Variants in PRKAR1B observed in about 807,000 individuals in gnomAD.
The protein encoded by PRKAR1B is protein kinase cAMP-dependent type I regulatory subunit beta.
A neutral mutation model predicts 46.5 loss-of-function variants in PRKAR1B; 22 were observed. That is an observed-to-expected ratio of 0.47 (90% CI 0.34 to 0.68). PRKAR1B has a LOEUF of 0.68. Ranked by LOEUF, PRKAR1B falls within the 30% of genes least tolerant of loss-of-function variation. The pLI is 0.01. For missense variants in PRKAR1B, 445 were observed against 535.6 expected (o/e 0.83, Z 1.67); for synonymous variants, 259 against 217.7 (o/e 1.19, Z -1.67).
At chr7:568,270 G>C (rs961356326) in intron 9 of PRKAR1B, among the ~76,000 whole-genome samples, 2 of 152,120 alleles carry the variant, frequency 1.3e-5, no homozygotes, top group Non-Finnish European at 2.9e-5. Flanking sequence ...CACAAGGTAG[G>C]TGACCTTGTG....
At chr7:628,330 GC>G (rs1783529493) in intron 4 of PRKAR1B, among the ~76,000 whole-genome samples, 1 of 152,252 alleles carries the variant, frequency 6.6e-6, no homozygotes, top group Non-Finnish European at 1.5e-5. Flanking sequence ...TGGAGCCAAG[GC>G]GAAGGCGGGC....
chr7:585,353 G>A (rs145533213), intron 7 of PRKAR1B, among the ~76,000 whole-genome samples: 1,877 of 152,170 alleles, frequency 0.012, 44 homozygotes, highest in African/African-American at 0.04. Context: ...TACAGTGCAC[G>A]AACTCCACAA....
intron 6 of PRKAR1B, among the ~76,000 whole-genome samples, chr7:596,679 C>A (rs1781284521): frequency 6.6e-6 from 1 of 152,266 alleles, no homozygotes; most frequent in Non-Finnish European, 1.5e-5. Context: ...CTCACTCAGC[C>A]TCTCTGGGCC....
At chr7:618,126 G>C (rs1014437301) in intron 4 of PRKAR1B, among the ~76,000 whole-genome samples, 3 of 152,092 alleles carry the variant, frequency 2.0e-5, no homozygotes, top group African/African-American at 7.2e-5. Flanking sequence ...GGCAGGGCAA[G>C]GTCCAGGAAC....
chr7:715,861 G>A (rs992822734), intron 1 of PRKAR1B, among the ~76,000 whole-genome samples: 17 of 151,664 alleles, frequency 1.1e-4, no homozygotes, highest in African/African-American at 3.4e-4. Context: ...GACTACAGGC[G>A]CCCGCCACCG....
chr7:727,998 G>T (rs964570923), upstream of PRKAR1B, among the ~76,000 whole-genome samples: 1 of 151,894 alleles, frequency 6.6e-6, no homozygotes, highest in Non-Finnish European at 1.5e-5. Flanking sequence ...TTGAGACTCT[G>T]CTCTGGTCAT....
At chr7:685,295 C>CGTATATATATATACGTATATATACGTAT (rs1300520762) in intron 2 of PRKAR1B, among the ~76,000 whole-genome samples, 1 of 12,228 alleles carries the variant, frequency 8.2e-5, no homozygotes, top group African/African-American at 3.5e-4. Context: ...TATATGTATA[C>CGTATATATATATACGTATATATACGTAT]ATATATATAT....
upstream of PRKAR1B, chr7:727,456 G>T: frequency 3.1e-6 from 1 of 317,876 alleles, no homozygotes; most frequent in East Asian, 5.2e-5. Context: ...GACCCCCCAT[G>T]CGCCGCTTCC....
At chr7:691,206 T>C (rs1166842260) in intron 2 of PRKAR1B, among the ~76,000 whole-genome samples, 67 of 125,390 alleles carry the variant, frequency 5.3e-4, no homozygotes, top group East Asian at 1.9e-3. Flanking sequence ...AAGGGTCCTG[T>C]GCCCACTCAA....
chr7:558,623 C>T (rs953713626), intron 9 of PRKAR1B, among the ~76,000 whole-genome samples: 3 of 151,844 alleles, frequency 2.0e-5, no homozygotes, highest in Admixed American at 6.6e-5. Context: ...AGGCGTGGTG[C>T]GCGCCTGTAA....
intron 2 of PRKAR1B, among the ~76,000 whole-genome samples, chr7:692,264 G>A (rs1779472939): frequency 6.6e-6 from 1 of 152,238 alleles, no homozygotes; most frequent in Non-Finnish European, 1.5e-5. Context: ...GCCACATGTG[G>A]TGGCGCACGC....
In PRKAR1B at chr7:583,426, G is replaced by A. The variant is rs868402062; in HGVS notation, c.769+1082C>T. ...CACGTGTGCACACCCACGCACACAC[G>A]CACACACCCACAGTGCACACTCACA... On this transcript the variant is annotated intron_variant, in intron 8 of 10. Coordinates refer to ENST00000537384, the MANE Select transcript of PRKAR1B (RefSeq NM_001164760.2). Among the ~76,000 whole-genome samples the A allele has an allele frequency of 2.3e-4, 12 of 52,418 alleles. No individual in the cohort carries two copies. In the Middle Eastern group the frequency reaches 0.032, roughly 139 times the overall value. 34.4% of individuals were successfully genotyped at this position (52,418 alleles called of 152,430 possible). A position where few individuals can be genotyped will look rare whatever the true frequency, so the allele number is the denominator to read the frequency against.
chr7:556,517 G>C (rs1049538123), intron 9 of PRKAR1B, among the ~76,000 whole-genome samples: 3 of 152,230 alleles, frequency 2.0e-5, no homozygotes, highest in Non-Finnish European at 4.4e-5. Flanking sequence ...CTTCCGCACG[G>C]AGTCATTCTG....
At chr7:585,011 G>A (rs2128447807) in intron 7 of PRKAR1B, among the ~76,000 whole-genome samples, 1 of 152,186 alleles carries the variant, frequency 6.6e-6, no homozygotes, top group African/African-American at 2.4e-5. Context: ...TAAGACCCTG[G>A]ATCCAGCCGT....
intron 4 of PRKAR1B, among the ~76,000 whole-genome samples, chr7:650,157 T>C (rs915336824): frequency 2.6e-5 from 4 of 152,110 alleles, no homozygotes; most frequent in African/African-American, 9.7e-5. Flanking sequence ...GCCATGCCGT[T>C]GTGAGGTGAC....
rs981564863 is a variant in PRKAR1B at position 666,838 on chromosome 7, G to C, written c.440+10391C>G. 3.3e-5 allele frequency among the ~76,000 whole-genome samples: 5 copies of C among 152,226 alleles called. No individual in the cohort carries two copies. Among genetic ancestry groups the C allele is most frequent in the Non-Finnish European group, 7.3e-5 (5 of 68,038 alleles). On this transcript the variant is annotated intron_variant, in intron 4 of 10. Coordinates refer to ENST00000537384, the MANE Select transcript of PRKAR1B (RefSeq NM_001164760.2). The surrounding 1 kb of genome is among the most constrained non-coding windows in gnomAD (Gnocchi z 4.9). Reference sequence around the variant, plus strand: ...CTGCGGGGTCTGTCTGGATAGCCGGGCCAGCCTCCAAGGGGCAAGGCACCA... The same window carrying C: ...CTGCGGGGTCTGTCTGGATAGCCGGCCCAGCCTCCAAGGGGCAAGGCACCA...
chr7:609,899 C>T (rs763450256), intron 4 of PRKAR1B, among the ~76,000 whole-genome samples: 4 of 152,090 alleles, frequency 2.6e-5, no homozygotes, highest in African/African-American at 9.7e-5. Flanking sequence ...TGCCACCACG[C>T]CTGCTTATTT....
chr7:661,992 T>TC (rs775909102), intron 4 of PRKAR1B, among the ~76,000 whole-genome samples: 2 of 56,420 alleles, frequency 3.5e-5, no homozygotes, highest in Admixed American at 2.0e-4. Flanking sequence ...ATACCTACTC[T>TC]CCCCCACATG....
In PRKAR1B at chr7:549,820, C is replaced by T. The variant is rs959668793; in HGVS notation, c.*610G>A. On this transcript the variant is annotated 3_prime_UTR_variant, in exon 11 of 11. Coordinates refer to ENST00000537384, the MANE Select transcript of PRKAR1B (RefSeq NM_001164760.2). ...CTTCCTCTCCAATTAGGGGCAAGAT[C>T]AATCTCACAGCTCAGAGACTCTCCC... The T allele has an allele frequency of 2.0e-5, 3 of 153,068 alleles. No individual in the cohort carries two copies. The highest frequency in any genetic ancestry group is 2.1e-4 in the South Asian group (1 of 4,854). The allele number at this position is 153,068 out of a possible 1,614,324, so 9.5% of individuals were successfully genotyped here.
Sources: allele counts gnomAD v4.1 joint callset (sites outside exome capture counted in the v4.1 genomes callset), GRCh38; gene constraint gnomAD v4.1.1; non-coding constraint Gnocchi (gnomAD v3.1); transcripts MANE v1.5; gene names NCBI Gene and HGNC (gene_info 2026-07-23, HGNC 2026-07-21).